PIR: variants seen among roughly 807,000 people sequenced by gnomAD.
PIR encodes pirin, also known as pirin (iron-binding nuclear protein).
A neutral mutation model predicts 24.2 loss-of-function variants in PIR; 22 were observed. That is an observed-to-expected ratio of 0.91 (90% CI 0.65 to 1.30). The LOEUF (loss-of-function observed/expected upper bound fraction) is 1.30, where lower values mean the gene tolerates loss of function less well. Among genes scored for constraint, PIR ranks in the 50% most tolerant of loss-of-function variants. The probability of loss-of-function intolerance (pLI) is 0.00; values close to 1 mark genes in which losing one functional copy is unlikely to be tolerated. For missense variants in PIR, 220 were observed against 220.3 expected (o/e 1.00, Z 0.01); for synonymous variants, 80 against 79.6 (o/e 1.00, Z -0.03).
At chrX:15,387,366 G>C (rs1452414278) in intron 9 of PIR, among the ~76,000 whole-genome samples, 1 of 109,269 alleles carries the variant, frequency 9.2e-6, no homozygotes, top group Non-Finnish European at 1.9e-5. Context: ...CAAAGTGCTG[G>C]GATTACAGGC....
chrX:15,415,855 T>C (rs1924897854), intron 6 of PIR, among the ~76,000 whole-genome samples: 1 of 111,289 alleles, frequency 9.0e-6, no homozygotes, highest in Admixed American at 9.6e-5. Context: ...AGAGTACATT[T>C]TTATGATCTT....
intron 5 of PIR, among the ~76,000 whole-genome samples, chrX:15,447,583 G>C (rs1369715509): frequency 8.9e-6 from 1 of 112,088 alleles, no homozygotes; most frequent in Non-Finnish European, 1.9e-5. Flanking sequence ...CTCCCAAAGT[G>C]CTGGGATTAC....
chrX:15,465,060 C>T (rs868795274), intron 3 of PIR, among the ~76,000 whole-genome samples: 1 of 111,497 alleles, frequency 9.0e-6, no homozygotes, highest in South Asian at 3.7e-4. Flanking sequence ...GAAGCAATTT[C>T]AACACTTTTT....
intron 7 of PIR, among the ~76,000 whole-genome samples, chrX:15,400,231 G>A (rs891845395): frequency 9.8e-5 from 11 of 111,771 alleles, no homozygotes; most frequent in Admixed American, 9.5e-4. Context: ...TAGAAGAGAG[G>A]TCTGGGAGTT....
At chrX:15,390,410 G>A (rs1923920732) in intron 8 of PIR, among the ~76,000 whole-genome samples, 159 bp from the exon 9 acceptor site, 1 of 111,515 alleles carries the variant, frequency 9.0e-6, no homozygotes, top group African/African-American at 3.3e-5. Context: ...ATATAGACAT[G>A]TTTATTTCTT....
intron 7 of PIR, among the ~76,000 whole-genome samples, chrX:15,399,253 T>A (rs896626877): frequency 2.7e-4 from 31 of 112,837 alleles, no homozygotes; most frequent in African/African-American, 9.6e-4. Flanking sequence ...AGGAAATGCT[T>A]ATTTAAATGA....
intron 1 of PIR, 139 bp from the exon 2 acceptor site, chrX:15,491,448 G>T: frequency 2.8e-6 from 1 of 360,910 alleles, no homozygotes; most frequent in Non-Finnish European, 4.8e-6. Context: ...GCAGGGCCTG[G>T]GTTAGGTGAT....
intron 6 of PIR, among the ~76,000 whole-genome samples, chrX:15,410,237 C>G (rs905437234): frequency 9.1e-6 from 1 of 110,058 alleles, no homozygotes; most frequent in African/African-American, 3.4e-5. Context: ...GGCGACAGAG[C>G]AAGACTCTGT....
intron 3 of PIR, among the ~76,000 whole-genome samples, chrX:15,471,783 C>G (rs1921936851): frequency 8.9e-6 from 1 of 112,096 alleles, no homozygotes; most frequent in Non-Finnish European, 1.9e-5. Context: ...CTTGTTCCTC[C>G]TTAATTATTT....
chrX:15,395,296 T>C (rs1924093454), intron 8 of PIR, among the ~76,000 whole-genome samples: 1 of 111,873 alleles, frequency 8.9e-6, no homozygotes, highest in African/African-American at 3.3e-5. Context: ...GATATTTGGA[T>C]TCATAAACTT....
chrX:15,396,885 C>G (rs1313961276), intron 8 of PIR, among the ~76,000 whole-genome samples: 2 of 111,165 alleles, frequency 1.8e-5, no homozygotes, highest in South Asian at 7.6e-4. Flanking sequence ...GGACCACAGG[C>G]GCCTGCCACC....
intron 3 of PIR, among the ~76,000 whole-genome samples, chrX:15,478,024 C>G (rs908998757): frequency 1.7e-4 from 9 of 52,928 alleles, no homozygotes; most frequent in African/African-American, 4.0e-4. Context: ...TCCCCCCCCC[C>G]CAGAAAGCAT....
intron 5 of PIR, among the ~76,000 whole-genome samples, chrX:15,433,127 AG>A (rs1243188247): frequency 8.9e-6 from 1 of 112,491 alleles, no homozygotes; most frequent in African/African-American, 3.2e-5. Context: ...TAGAGCTCAA[AG>A]GGGAGGCTTG....
At chrX:15,454,932 C>G (rs1291391666) in intron 5 of PIR, among the ~76,000 whole-genome samples, 1 of 112,451 alleles carries the variant, frequency 8.9e-6, no homozygotes, top group Non-Finnish European at 1.9e-5. Context: ...CTCTGAGGCA[C>G]GTTGATCTTT....
chrX:15,472,716 T>G (rs1216356426), intron 3 of PIR, among the ~76,000 whole-genome samples: 1 of 112,178 alleles, frequency 8.9e-6, no homozygotes, highest in Non-Finnish European at 1.9e-5. Flanking sequence ...TCTGGGCTGA[T>G]GAAAGTGTTC....
At position 15,400,694 on chromosome X, in the gene PIR, A is replaced by G. The variant is rs1924347400; in HGVS notation, c.611-3163T>C. Among the ~76,000 whole-genome samples the G allele has an allele frequency of 2.8e-5, 3 of 108,640 alleles. No homozygotes were observed. In the South Asian group the frequency reaches 1.2e-3, roughly 42 times the overall value. The allele number at this position is 108,640 out of a possible 115,157, so 94.3% of individuals were successfully genotyped here. On this transcript the variant is annotated intron_variant, in intron 7 of 9. Coordinates refer to ENST00000380420, the MANE Select transcript of PIR (RefSeq NM_001018109.3). Reference sequence around the variant, plus strand: ...TCTTTGCAATCTCAGTGTTGATACTAAAGAGGTCATTTGAAATGCTCCACT... The same window carrying G: ...TCTTTGCAATCTCAGTGTTGATACTGAAGAGGTCATTTGAAATGCTCCACT...
At chrX:15,392,948 A>G (rs1924004909) in intron 8 of PIR, among the ~76,000 whole-genome samples, 1 of 112,499 alleles carries the variant, frequency 8.9e-6, no homozygotes. Flanking sequence ...AGTTGCTGTT[A>G]TCTTGAAAAG....
At chrX:15,492,689 C>A (rs1923225476) in intron 1 of PIR, among the ~76,000 whole-genome samples, 1 of 111,614 alleles carries the variant, frequency 9.0e-6, no homozygotes, top group African/African-American at 3.3e-5. Flanking sequence ...ATGATAAGAC[C>A]GCCTACCTCA....
chrX:15,402,909 T>A (rs770637673), intron 7 of PIR, among the ~76,000 whole-genome samples: 1 of 112,343 alleles, frequency 8.9e-6, no homozygotes, highest in African/African-American at 3.2e-5. Flanking sequence ...AACTGTTTAA[T>A]TAAATTACAT....
Sources: allele counts gnomAD v4.1 joint callset (sites outside exome capture counted in the v4.1 genomes callset), GRCh38; gene constraint gnomAD v4.1.1; transcripts MANE v1.5; gene names NCBI Gene and HGNC (gene_info 2026-07-23, HGNC 2026-07-21).